Variants in EIF4G1 observed in about 807,000 individuals in gnomAD.
EIF4G1 encodes the protein eukaryotic translation initiation factor 4 gamma 1, also known as EIF4-gamma.
In EIF4G1, 4 loss-of-function variants were observed where a neutral mutation model predicts 187.8. The ratio of observed to expected loss-of-function variants is 0.02; its 90% CI spans 0.01 to 0.05. The LOEUF (loss-of-function observed/expected upper bound fraction) is 0.05, where lower values mean the gene tolerates loss of function less well. Among genes scored for constraint, EIF4G1 ranks in the 10% least tolerant of loss-of-function variants. The probability of loss-of-function intolerance (pLI) is 1.00; values close to 1 mark genes in which losing one functional copy is unlikely to be tolerated. For synonymous variants in EIF4G1, 844 were observed against 781.4 expected (o/e 1.08, Z -1.34); for missense variants, 1,647 against 2,081.1 (o/e 0.79, Z 4.06).
intron 28 of EIF4G1, among the ~76,000 whole-genome samples, chr3:184,330,085 C>T (rs980066802): frequency 6.6e-6 from 1 of 152,086 alleles, no homozygotes; most frequent in Non-Finnish European, 1.5e-5. Flanking sequence ...ATTCTTTATG[C>T]GCTGTTAAGA....
Position 184,325,618 on chromosome 3 carries a change from G to A in EIF4G1, c.3100G>A (p.Gly1034Ser), listed in dbSNP as rs745495367. The change falls in exon 20 of 33, where the codon GGT becomes AGT. Residue 1034 changes from glycine (G) to serine (S), a missense_variant. Gly to Ser is a moderately conservative substitution (Grantham distance 56). Transcript: ENST00000346169. This position sits in a 1 kb window ranked among gnomAD's most constrained non-coding sequence, Gnocchi z 5.2. Reference protein sequence around the residue: ...MAKGSDKRRGGPPGPPISRGL... With the variant: ...MAKGSDKRRGSPPGPPISRGL... The stretch of plus-strand genomic sequence containing the variant: ...CAAGGGCAGTGACAAGCGTCGGGGC[G>A]GTCCTCCAGGCCCTCCCATCAGTGA... 7 of 1,614,068 alleles carry A rather than the reference G, an allele frequency of 4.3e-6. No individual in the cohort carries two copies. Among genetic ancestry groups the A allele is most frequent in the Admixed American group, 1.7e-5 (1 of 60,016 alleles).
Position 184,316,157 on chromosome 3 carries a change from C to T in EIF4G1, c.86C>T (p.Ala29Val), listed in dbSNP as rs113049287. Reference sequence around the variant, plus strand: ...CCAGCGTTTCCCCCGGGGCAGACAGCGCCGGTGGTGTTCAGTACGCCACAA... The same window carrying T: ...CCAGCGTTTCCCCCGGGGCAGACAGTGCCGGTGGTGTTCAGTACGCCACAA... ...PQPAFPPGQT[A>V]PVVFSTPQAT... The change falls in exon 4 of 33, where the codon GCG becomes GTG. Residue 29 changes from alanine (A) to valine (V), a missense_variant. This residue lies in a region of EIF4G1 where 61 missense variants were observed against 49.5 expected (regional missense o/e 1.23). Transcript: ENST00000346169. The T allele has an allele frequency of 1.2e-6, 2 of 1,614,144 alleles. No individual in the cohort carries two copies. The highest frequency in any genetic ancestry group is 1.7e-6 in the Non-Finnish European group (2 of 1,180,028).
chr3:184,322,202 G>A, intron 10 of EIF4G1, 99 bp downstream of exon 10: 2 of 1,585,074 alleles, frequency 1.3e-6, no homozygotes, highest in Non-Finnish European at 1.7e-6. Context: ...CTGGGTCCCT[G>A]CAATGGAATC....
Position 184,327,197 on chromosome 3 carries a change from TTGTC to T in EIF4G1, c.3429-9_3429-6del, listed in dbSNP as rs1409841630. 8.7e-6 allele frequency: 14 copies of T among 1,612,198 alleles called. No homozygotes were observed. Among genetic ancestry groups the T allele is most frequent in the Middle Eastern group, 2.2e-4 (1 of 4,556 alleles). On this transcript the variant is annotated splice_polypyrimidine_tract_variant and intron_variant, in intron 23 of 32. Coordinates refer to ENST00000346169, the MANE Select transcript of EIF4G1 (RefSeq NM_198241.3). ...CTGGGCAGTGCAAGTGAGTGAAAATTTGTCTGTCTGTCTTCCAGGAGTAGCTTGA... is the reference window on the plus strand; with the variant it reads ...CTGGGCAGTGCAAGTGAGTGAAAATTTGTCTGTCTTCCAGGAGTAGCTTGA...
At position 184,321,311 on chromosome 3, in the gene EIF4G1, G is replaced by C; in HGVS notation, c.727G>C (p.Asp243His). The C allele has an allele frequency of 6.2e-7, 1 of 1,614,096 alleles. No homozygotes were observed. The highest frequency in any genetic ancestry group is 8.5e-7 in the Non-Finnish European group (1 of 1,180,022). Residue 243 changes from aspartate to histidine, a missense_variant, in exon 10 of 33, where the codon GAC becomes CAC. By Grantham distance (81) the Asp-to-His change is moderately conservative (BLOSUM62 -1). This residue lies in a region of EIF4G1 where 522 missense variants were observed against 485.2 expected (regional missense o/e 1.08). Transcript: ENST00000346169. ...DDRSQGAIIA[D>H]RPGLPGPEHS... Reference sequence around the variant, plus strand: ...CCGGTCACAGGGAGCAATCATTGCTGACCGGCCAGGGCTGCCTGGCCCAGA... The same window carrying C: ...CCGGTCACAGGGAGCAATCATTGCTCACCGGCCAGGGCTGCCTGGCCCAGA...
rs377704793 is a variant in EIF4G1 at position 184,332,197 on chromosome 3, G to A, written c.4618+111G>A. 12 of 1,425,718 alleles carry A rather than the reference G, an allele frequency of 8.4e-6. No individual in the cohort carries two copies. In the East Asian group the frequency reaches 1.6e-4, roughly 19 times the overall value. 88.3% of individuals were successfully genotyped at this position (1,425,718 alleles called of 1,614,324 possible). ...CCAAGAAAGGTAGGTAGTCATTAGAGAGCAAAATGCCCTCTGGGTTTCATT... is the reference window on the plus strand; with the variant it reads ...CCAAGAAAGGTAGGTAGTCATTAGAAAGCAAAATGCCCTCTGGGTTTCATT... On this transcript the variant is annotated intron_variant, in intron 32 of 32. Transcript: ENST00000346169.
At chr3:184,324,158 G>T (rs1239365967) in intron 16 of EIF4G1, 43 bp from the exon 17 acceptor site, 7 of 1,613,970 alleles carry the variant, frequency 4.3e-6, no homozygotes, top group Non-Finnish European at 5.9e-6. Flanking sequence ...GGCCTTCCCT[G>T]CCCAGGACTA....
chr3:184,331,549 G>T lies in EIF4G1; in HGVS notation c.4338G>T (p.Gln1446His). Residue 1446 changes from glutamine (Q) to histidine (H), a missense_variant, in exon 30 of 33, where the codon CAG becomes CAT. Coordinates refer to ENST00000346169, the MANE Select transcript of EIF4G1 (RefSeq NM_198241.3). ...TCCCCTCCGAGGAGCTGAACAGGCA[G>T]CTGGAGAAGCTGCTGAAGGAGGGCA... ...RALPSEELNRQLEKLLKEGSS... is the reference protein window; with the variant it reads ...RALPSEELNRHLEKLLKEGSS... 6.2e-7 allele frequency: 1 copy of T among 1,613,582 alleles called. No individual in the cohort carries two copies. The highest frequency in any genetic ancestry group is 8.5e-7 in the Non-Finnish European group (1 of 1,179,910).
intron 1 of EIF4G1, among the ~76,000 whole-genome samples, chr3:184,314,962 C>A (rs1399308903): frequency 6.6e-6 from 1 of 151,338 alleles, no homozygotes; most frequent in Non-Finnish European, 1.5e-5. Flanking sequence ...TCGGCCTGAC[C>A]CGAGGAGGCC....
intron 6 of EIF4G1, among the ~76,000 whole-genome samples, 196 bp downstream of exon 6, chr3:184,318,012 GAGAGTTA>G (rs1241806429): frequency 6.6e-6 from 1 of 152,318 alleles, no homozygotes; most frequent in East Asian, 1.9e-4. Context: ...TTATTGCCAG[GAGAGTTA>G]AGAGTCTTTC....
intron 26 of EIF4G1, 86 bp from the exon 27 acceptor site, chr3:184,328,545 A>C: frequency 1.3e-6 from 2 of 1,591,116 alleles, no homozygotes; most frequent in Non-Finnish European, 1.7e-6. Flanking sequence ...GGGGTTCCAT[A>C]GTTGATGCCC....
At chr3:184,329,744 A>G (rs372358700) in intron 28 of EIF4G1, among the ~76,000 whole-genome samples, 3 of 152,232 alleles carry the variant, frequency 2.0e-5, no homozygotes, top group African/African-American at 7.2e-5. Flanking sequence ...ATATTTGACA[A>G]TATTTGTGAC....
At position 184,331,957 on chromosome 3, in the gene EIF4G1, C is replaced by T; in HGVS notation, c.4489C>T (p.Leu1497Phe). The T allele has an allele frequency of 3.7e-6, 6 of 1,614,206 alleles. No individual in the cohort carries two copies. Among genetic ancestry groups the T allele is most frequent in the East Asian group, 2.2e-5 (1 of 44,872 alleles). The change falls in exon 32 of 33, where the codon CTC becomes TTC. Residue 1497 changes from leucine to phenylalanine, a missense_variant. Transcript: ENST00000346169. ...CTGTCTTCTTGTAGTTGAGACTCCC[C>T]TCCGAGTGGACGTTGCAGTGCTGAA... ...CYSAIIFETPLRVDVAVLKAR... is the reference protein window; with the variant it reads ...CYSAIIFETPFRVDVAVLKAR...
At chr3:184,318,234 T>C (rs886072703) in intron 6 of EIF4G1, among the ~76,000 whole-genome samples, 1 of 152,210 alleles carries the variant, frequency 6.6e-6, no homozygotes, top group Non-Finnish European at 1.5e-5. Flanking sequence ...CAGGAAAAGT[T>C]TTGAGTATGA....
At chr3:184,329,610 AG>A (rs1725637125) in intron 28 of EIF4G1, among the ~76,000 whole-genome samples, 1 of 152,260 alleles carries the variant, frequency 6.6e-6, no homozygotes, top group South Asian at 2.1e-4. Context: ...CCTGGGAAAC[AG>A]AGCAAGACTC....
Position 184,320,699 on chromosome 3 carries a change from GCCTCCA to G in EIF4G1, c.609_614del (p.Ser204_Thr205del). 1 of 1,614,122 alleles carries G rather than the reference GCCTCCA, an allele frequency of 6.2e-7. No individual in the cohort carries two copies. The highest frequency in any genetic ancestry group is 1.1e-5 in the South Asian group (1 of 91,078). ...GGAGATCATGTCTGGGGCCCGCACT[GCCTCCA>G]CACCCACCCCTCCCCAGGTACTGTC... On this transcript the variant is annotated inframe_deletion, in exon 8 of 33. Coordinates refer to ENST00000346169, the MANE Select transcript of EIF4G1 (RefSeq NM_198241.3).
At position 184,327,908 on chromosome 3, in the gene EIF4G1, C is replaced by G; in HGVS notation, c.3859C>G (p.Leu1287Val). ...IFVRHGVEST[L>V]ERSAIAREHM... Reference sequence around the variant, plus strand: ...TGTACGGCATGGTGTCGAGTCTACGCTGGAGCGCAGTGCCATTGCTCGTGA... The same window carrying G: ...TGTACGGCATGGTGTCGAGTCTACGGTGGAGCGCAGTGCCATTGCTCGTGA... The change falls in exon 26 of 33, where the codon CTG (leucine) becomes GTG (valine). Residue 1287 changes from leucine to valine, a missense_variant. Leu to Val is a conservative substitution (Grantham distance 32). Coordinates refer to ENST00000346169, the MANE Select transcript of EIF4G1 (RefSeq NM_198241.3). The G allele has an allele frequency of 6.2e-7, 1 of 1,613,552 alleles. No individual in the cohort carries two copies. The highest frequency in any genetic ancestry group is 8.5e-7 in the Non-Finnish European group (1 of 1,180,044).
intron 1 of EIF4G1, chr3:184,315,225 C>T (rs1443655675): frequency 2.6e-6 from 1 of 384,132 alleles, no homozygotes; most frequent in East Asian, 7.3e-5. Context: ...GGGCCTGACT[C>T]CCGCCCTTCC....
intron 6 of EIF4G1, among the ~76,000 whole-genome samples, chr3:184,318,174 G>A (rs1723113840): frequency 6.6e-6 from 1 of 152,124 alleles, no homozygotes; most frequent in African/African-American, 2.4e-5. Flanking sequence ...TCTAGGGAAG[G>A]ATTAGTCTGT....
Sources: gnomAD v4.1 joint callset for allele counts (sites outside exome capture counted in the v4.1 genomes callset) on GRCh38, gnomAD v4.1.1 for gene constraint, gnomAD v4.1.1 regional missense constraint, Gnocchi (gnomAD v3.1) non-coding constraint, MANE v1.5 for transcripts, NCBI Gene and HGNC (gene_info 2026-07-23, HGNC 2026-07-21) for gene names.